The following EXOC6B variants were observed in gnomAD, a reference collection of about 807,000 sequenced individuals.
EXOC6B encodes the protein SEC15 homolog B.
A neutral mutation model predicts 113.5 loss-of-function variants in EXOC6B; 54 were observed. The observed-to-expected ratio is 0.48, with a 90% confidence interval of 0.38 to 0.60. EXOC6B has a LOEUF of 0.60. Among genes scored for constraint, EXOC6B ranks in the 20% least tolerant of loss-of-function variants. The probability of loss-of-function intolerance (pLI) is 0.00; values close to 1 mark genes in which losing one functional copy is unlikely to be tolerated. For missense variants in EXOC6B, 797 were observed against 977.5 expected (o/e 0.82, Z 2.46); for synonymous variants, 357 against 339.0 (o/e 1.05, Z -0.58).
At chr2:72,533,032 A>G (rs1702096304) in intron 8 of EXOC6B, among the ~76,000 whole-genome samples, 1 of 152,208 alleles carries the variant, frequency 6.6e-6, no homozygotes. Context: ...ATTTTGAAAT[A>G]GTCAAATATC....
chr2:72,741,782 AT>A (rs1681341493), intron 1 of EXOC6B, among the ~76,000 whole-genome samples: 2 of 152,332 alleles, frequency 1.3e-5, no homozygotes, highest in South Asian at 4.1e-4. Context: ...TTTTAGTTAA[AT>A]TCAACTATCC....
At chr2:72,666,038 T>C (rs1675364639) in intron 6 of EXOC6B, among the ~76,000 whole-genome samples, 1 of 152,200 alleles carries the variant, frequency 6.6e-6, no homozygotes, top group East Asian at 1.9e-4. Context: ...CAGGGATTGC[T>C]ATTTTTATAT....
In EXOC6B at chr2:72,401,578, T is replaced by TAC. The variant is rs1384895293; in HGVS notation, c.1981-21709_1981-21708insGT. Among the ~76,000 whole-genome samples the TAC allele has an allele frequency of 6.7e-3, 162 of 24,194 alleles. 8 individuals carry two copies. Among genetic ancestry groups the TAC allele is most frequent in the Middle Eastern group, 0.014 (1 of 70 alleles). The allele number at this position is 24,194 out of a possible 152,430, so 15.9% of individuals were successfully genotyped here. ...ATATATATATATACATATATATATATATACATATATATATATATATATATG... is the reference window on the plus strand; with the variant it reads ...ATATATATATATACATATATATATATACATACATATATATATATATATATATG... On this transcript the variant is annotated intron_variant, in intron 18 of 21. Transcript: ENST00000272427.
At chr2:72,214,728 C>T (rs1255489271) in intron 20 of EXOC6B, among the ~76,000 whole-genome samples, 1 of 152,084 alleles carries the variant, frequency 6.6e-6, no homozygotes, top group African/African-American at 2.4e-5. Flanking sequence ...CAGATCAATG[C>T]CATTGATGGG....
intron 11 of EXOC6B, among the ~76,000 whole-genome samples, chr2:72,505,344 G>A (rs958537813): frequency 6.6e-6 from 1 of 151,910 alleles, no homozygotes; most frequent in Non-Finnish European, 1.5e-5. Flanking sequence ...GACCTCCTAT[G>A]CCACCGACCT....
At position 72,365,094 on chromosome 2, in the gene EXOC6B, A is replaced by T. The variant is rs189047297; in HGVS notation, c.2122+14635T>A. Among the ~76,000 whole-genome samples, 354 of 152,238 alleles carry T rather than the reference A, an allele frequency of 2.3e-3. 1 individual carries two copies. Among genetic ancestry groups the T allele is most frequent in the African/African-American group, 8.0e-3 (331 of 41,568 alleles). ...AATGTGGCGGGCAACTTATAGAAAC[A>T]GTTCTGTTGCTGTTATATATTATCA... On this transcript the variant is annotated intron_variant, in intron 19 of 21. Coordinates refer to ENST00000272427, the MANE Select transcript of EXOC6B (RefSeq NM_015189.3).
intron 20 of EXOC6B, among the ~76,000 whole-genome samples, chr2:72,207,659 G>A (rs906247524): frequency 3.3e-5 from 5 of 152,084 alleles, no homozygotes; most frequent in African/African-American, 9.7e-5. Context: ...ATAGTGTAAC[G>A]ATTTACATTC....
intron 20 of EXOC6B, among the ~76,000 whole-genome samples, chr2:72,267,280 T>C (rs1051576124): frequency 4.6e-5 from 7 of 152,304 alleles, no homozygotes; most frequent in South Asian, 2.1e-4. Context: ...CTGGCCAGAA[T>C]TTCCAACACT....
intron 9 of EXOC6B, 142 bp downstream of exon 9, chr2:72,514,901 C>T (rs1375456413): frequency 1.3e-6 from 1 of 770,072 alleles, no homozygotes; most frequent in Non-Finnish European, 2.1e-6. Flanking sequence ...TTTCTTACTG[C>T]AAGTCACATC....
intron 20 of EXOC6B, among the ~76,000 whole-genome samples, chr2:72,297,047 G>A (rs138264862): frequency 1.3e-5 from 2 of 152,140 alleles, no homozygotes; most frequent in Admixed American, 6.5e-5. Flanking sequence ...AAATAGAAGT[G>A]GAAATTCTCC....
At chr2:72,608,794 G>C (rs954673392) in intron 6 of EXOC6B, among the ~76,000 whole-genome samples, 1 of 152,006 alleles carries the variant, frequency 6.6e-6, no homozygotes, top group African/African-American at 2.4e-5. Flanking sequence ...GATGTGGATG[G>C]GGAAAAATAA....
chr2:72,770,315 C>A (rs58673673), intron 1 of EXOC6B, among the ~76,000 whole-genome samples: 41,309 of 151,602 alleles, frequency 0.27, 7,261 homozygotes, highest in African/African-American at 0.5. Context: ...TATCTTATAC[C>A]AGTAACTGTG....
chr2:72,519,977 A>G (rs958929321), intron 8 of EXOC6B, among the ~76,000 whole-genome samples: 2 of 152,212 alleles, frequency 1.3e-5, no homozygotes, highest in East Asian at 1.9e-4. Flanking sequence ...TAACTCAAAC[A>G]TAACTTTGAA....
chr2:72,492,317 C>T lies in EXOC6B; in HGVS notation c.1665+1G>A, dbSNP rs779674143. On this transcript the variant is annotated splice_donor_variant, in intron 16 of 21. Coordinates refer to ENST00000272427, the MANE Select transcript of EXOC6B (RefSeq NM_015189.3). LOFTEE classifies it high-confidence loss of function. The stretch of plus-strand genomic sequence containing the variant: ...GCTGCCTTCATTAGGAGCAGGTTTA[C>T]CTCAGTAAGCCCAATATTCTTCCTT... The T allele has an allele frequency of 6.2e-7, 1 of 1,600,628 alleles. No individual in the cohort carries two copies. Among genetic ancestry groups the T allele is most frequent in the Non-Finnish European group, 8.6e-7 (1 of 1,168,232 alleles).
At chr2:72,551,901 G>A (rs1373905247) in intron 8 of EXOC6B, among the ~76,000 whole-genome samples, 6 of 152,188 alleles carry the variant, frequency 3.9e-5, no homozygotes, top group Non-Finnish European at 2.9e-5. Flanking sequence ...CTGGTGTAAT[G>A]TAATCATATT....
chr2:72,569,487 C>T (rs1273021102), intron 7 of EXOC6B, among the ~76,000 whole-genome samples: 1 of 152,096 alleles, frequency 6.6e-6, no homozygotes, highest in Non-Finnish European at 1.5e-5. Flanking sequence ...CAGTCTATTA[C>T]TACCATGCTT....
At chr2:72,191,015 T>C (rs80089066) in intron 20 of EXOC6B, among the ~76,000 whole-genome samples, 37 of 152,346 alleles carry the variant, frequency 2.4e-4, no homozygotes, top group Non-Finnish European at 4.1e-4. Context: ...CACAGAGTTA[T>C]CTGTTTGTGG....
chr2:72,295,251 A>C (rs1227700325), intron 20 of EXOC6B, among the ~76,000 whole-genome samples: 1 of 148,556 alleles, frequency 6.7e-6, no homozygotes, highest in Non-Finnish European at 1.5e-5. Flanking sequence ...AAAAAAAAAT[A>C]CTCAGACCTC....
intron 8 of EXOC6B, among the ~76,000 whole-genome samples, chr2:72,554,710 G>A (rs1302218393): frequency 6.6e-6 from 1 of 151,926 alleles, no homozygotes; most frequent in Non-Finnish European, 1.5e-5. Context: ...TCTTGAGTGA[G>A]TTCACATTGC....
Sources: gnomAD v4.1 joint callset for allele counts (sites outside exome capture counted in the v4.1 genomes callset) on GRCh38, gnomAD v4.1.1 for gene constraint, MANE v1.5 for transcripts, NCBI Gene and HGNC (gene_info 2026-07-23, HGNC 2026-07-21) for gene names.